The following PLD5 variants were observed in gnomAD, a reference collection of about 807,000 sequenced individuals.
The protein encoded by PLD5 is inactive phospholipase D5.
In PLD5, 36 loss-of-function variants were observed where a neutral mutation model predicts 61.1. The observed-to-expected ratio is 0.59, with a 90% CI of 0.45 to 0.78. PLD5 has a LOEUF of 0.78. Among genes scored for constraint, PLD5 ranks in the 30% least tolerant of loss-of-function variants. The pLI is 0.00. For synonymous variants in PLD5, 243 were observed against 242.8 expected, an observed-to-expected ratio of 1.00 and a Z score of -0.01; for missense variants, 515 against 644.4, an observed-to-expected ratio of 0.80 and a Z score of 2.17.
chr1:242,353,716 C>T (rs1466300426), intron 1 of PLD5, among the ~76,000 whole-genome samples: 1 of 151,970 alleles, frequency 6.6e-6, no homozygotes, highest in South Asian at 2.1e-4. Context: ...AATACTAATT[C>T]TCTATCAGAT....
intron 5 of PLD5, among the ~76,000 whole-genome samples, chr1:242,150,757 C>G (rs1664868611): frequency 6.6e-6 from 1 of 151,676 alleles, no homozygotes; most frequent in African/African-American, 2.4e-5. Flanking sequence ...ATCTGTCAAT[C>G]TTTTTCTTTT....
At chr1:242,470,378 G>A (rs376609203) in intron 1 of PLD5, among the ~76,000 whole-genome samples, 32 of 62,258 alleles carry the variant, frequency 5.1e-4, no homozygotes, top group Non-Finnish European at 6.6e-4. Flanking sequence ...AAGAAAGAAA[G>A]AAAAAAAAGA....
At chr1:242,391,938 G>A (rs1340162549) in intron 1 of PLD5, among the ~76,000 whole-genome samples, 1 of 152,128 alleles carries the variant, frequency 6.6e-6, no homozygotes, top group Non-Finnish European at 1.5e-5. Context: ...AAATTGTTCT[G>A]CCAAAAAGAT....
At chr1:242,297,595 T>C (rs1053973557) in intron 2 of PLD5, among the ~76,000 whole-genome samples, 2 of 150,862 alleles carry the variant, frequency 1.3e-5, no homozygotes, top group African/African-American at 4.9e-5. Flanking sequence ...TATTAAAAAA[T>C]GTTTAATTAG....
At chr1:242,492,330 A>G (rs1026258145) in intron 1 of PLD5, among the ~76,000 whole-genome samples, 3 of 151,784 alleles carry the variant, frequency 2.0e-5, no homozygotes, top group Non-Finnish European at 4.4e-5. Context: ...TGGCCAACAT[A>G]GTGAAACCCT....
chr1:242,184,107 C>T (rs1574471374), intron 5 of PLD5, among the ~76,000 whole-genome samples: 1 of 152,128 alleles, frequency 6.6e-6, no homozygotes, highest in South Asian at 2.1e-4. Context: ...ACCTTGGAAT[C>T]GATTGCAAAG....
At chr1:242,386,304 T>G (rs1323058600) in intron 1 of PLD5, among the ~76,000 whole-genome samples, 1 of 152,130 alleles carries the variant, frequency 6.6e-6, no homozygotes, top group Non-Finnish European at 1.5e-5. Flanking sequence ...ACCTTAGAGG[T>G]GACTTGCTCA....
At chr1:242,107,577 T>C (rs1661163296) in intron 8 of PLD5, 94 bp downstream of exon 8, 1 of 1,227,926 alleles carries the variant, frequency 8.1e-7, no homozygotes, top group African/African-American at 1.5e-5. Context: ...TGGTTCTTAC[T>C]GGAACTTTAC....
chr1:242,345,327 C>T (rs1341668934), intron 2 of PLD5, among the ~76,000 whole-genome samples: 1 of 152,188 alleles, frequency 6.6e-6, no homozygotes, highest in Admixed American at 6.5e-5. Flanking sequence ...TCAGATCTTC[C>T]TAATTTCAAA....
intron 2 of PLD5, among the ~76,000 whole-genome samples, chr1:242,304,375 C>T (rs1172620529): frequency 1.3e-5 from 2 of 152,224 alleles, no homozygotes; most frequent in Non-Finnish European, 2.9e-5. Context: ...TCAGCATCAT[C>T]TGGCCAAATA....
intron 5 of PLD5, among the ~76,000 whole-genome samples, chr1:242,185,237 C>CTTTG (rs1261068988): frequency 6.6e-6 from 1 of 152,150 alleles, no homozygotes; most frequent in Non-Finnish European, 1.5e-5. Context: ...ATGAATAATG[C>CTTTG]TTTGTTTGCC....
chr1:242,340,300 A>G (rs541314406), intron 2 of PLD5, among the ~76,000 whole-genome samples: 1 of 152,278 alleles, frequency 6.6e-6, no homozygotes, highest in South Asian at 2.1e-4. Flanking sequence ...AAGAGTGCTC[A>G]GATATCAAAT....
At position 242,449,117 on chromosome 1, in the gene PLD5, C is replaced by T. The variant is rs141936499; in HGVS notation, c.189+74971G>A. Among the ~76,000 whole-genome samples, 404 of 152,254 alleles carry T rather than the reference C, an allele frequency of 2.7e-3. 1 individual carries two copies. The highest frequency in any genetic ancestry group is 4.7e-3 in the Non-Finnish European group (321 of 68,018). On this transcript the variant is annotated intron_variant, in intron 1 of 9. Transcript: ENST00000536534. ...ACTGTCCTTCCCTGGCAGAGCCCAGCGAAGTCCTTATAAATTACAAAGCAC... is the reference window on the plus strand; with the variant it reads ...ACTGTCCTTCCCTGGCAGAGCCCAGTGAAGTCCTTATAAATTACAAAGCAC...
intron 5 of PLD5, among the ~76,000 whole-genome samples, chr1:242,191,648 A>G (rs1668295862): frequency 6.6e-6 from 1 of 152,164 alleles, no homozygotes; most frequent in African/African-American, 2.4e-5. Flanking sequence ...GAACAAACCC[A>G]GATATGAGTA....
At chr1:242,506,757 T>C (rs542483163) in intron 1 of PLD5, among the ~76,000 whole-genome samples, 1 of 152,138 alleles carries the variant, frequency 6.6e-6, no homozygotes, top group Admixed American at 6.5e-5. Context: ...AAGAGGTCAG[T>C]GTGGAGCGAA....
chr1:242,493,468 T>C (rs1668240254), intron 1 of PLD5, among the ~76,000 whole-genome samples: 1 of 152,180 alleles, frequency 6.6e-6, no homozygotes, highest in African/African-American at 2.4e-5. Context: ...GAAATTTTCA[T>C]GTTGCAGAAG....
chr1:242,407,562 T>A (rs199570232), intron 1 of PLD5, among the ~76,000 whole-genome samples: 2 of 47,962 alleles, frequency 4.2e-5, no homozygotes, highest in African/African-American at 2.9e-4. Flanking sequence ...GGTTGTTTTG[T>A]TTTTTTTTTT....
chr1:242,273,659 T>G (rs1674243133), intron 3 of PLD5, among the ~76,000 whole-genome samples: 1 of 152,194 alleles, frequency 6.6e-6, no homozygotes, highest in Admixed American at 6.5e-5. Context: ...TATTTGGAAA[T>G]AGGGTCTTTG....
chr1:242,417,755 G>A (rs1664909025), intron 1 of PLD5, among the ~76,000 whole-genome samples: 1 of 152,178 alleles, frequency 6.6e-6, no homozygotes, highest in Non-Finnish European at 1.5e-5. Context: ...GCATTTTTGT[G>A]GAAGAAAGAG....
Sources: gnomAD v4.1 joint callset for allele counts (sites outside exome capture counted in the v4.1 genomes callset) on GRCh38, gnomAD v4.1.1 for gene constraint, MANE v1.5 for transcripts, NCBI Gene and HGNC (gene_info 2026-07-23, HGNC 2026-07-21) for gene names.